The following MLH3 variants were observed in gnomAD, a reference collection of about 807,000 sequenced individuals.
MLH3 encodes DNA mismatch repair protein Mlh3.
MLH3 carries 82 observed loss-of-function variants against 122.2 expected under a neutral mutation model. The observed-to-expected ratio is 0.67, with a 90% CI of 0.56 to 0.81. The LOEUF is 0.81. Among genes scored for constraint, MLH3 ranks in the 30% least tolerant of loss-of-function variants. The probability of loss-of-function intolerance (pLI) is 0.00; values close to 1 mark genes in which losing one functional copy is unlikely to be tolerated. For missense variants in MLH3, 1,539 were observed against 1,714.5 expected, an observed-to-expected ratio of 0.90 and a Z score of 1.81; for synonymous variants, 524 against 599.5, an observed-to-expected ratio of 0.87 and a Z score of 1.84.
chr14:75,042,443 G>T lies in MLH3; in HGVS notation c.3315C>A (p.Asp1105Glu), dbSNP rs28757008. The T allele has an allele frequency of 3.3e-3, 5,355 of 1,614,088 alleles. 12 individuals carry two copies. Among genetic ancestry groups the T allele is most frequent in the Non-Finnish European group, 3.6e-3 (4,209 of 1,179,980 alleles). The change falls in exon 3 of 13, where the codon GAC becomes GAA. Residue 1105 changes from aspartate to glutamate, a missense_variant. Physicochemically the swap from Asp to Glu is conservative, Grantham distance 45 (BLOSUM62 2). Transcript: ENST00000355774. ...CTCTCGGAAGGAAAGGAAGAACAAG[G>T]TCGCTTCTAAAAGGTTGACACCTGT... ...SQYRCQPFRS[D>E]LVLPFLPRAR...
intron 6 of MLH3, among the ~76,000 whole-genome samples, 160 bp downstream of exon 6, chr14:75,038,180 T>C (rs891907284): frequency 6.6e-6 from 1 of 152,204 alleles, no homozygotes; most frequent in Non-Finnish European, 1.5e-5. Flanking sequence ...ATTACAGGTG[T>C]GAGCCACCGC....
At chr14:75,039,866 TATATATATATATATA>T (rs2139471031) in intron 5 of MLH3, 30 bp downstream of exon 5, 3 of 371,534 alleles carry the variant, frequency 8.1e-6, no homozygotes, top group Non-Finnish European at 1.4e-5. Context: ...TATATATATA[TATATATATATATATA>T]TTTATGAGAT....
At chr14:75,020,433 G>A (rs563696120) in intron 11 of MLH3, among the ~76,000 whole-genome samples, 1 of 152,290 alleles carries the variant, frequency 6.6e-6, no homozygotes, top group East Asian at 1.9e-4. Context: ...CTAAGTAAGA[G>A]AGCTCAACAG....
intron 11 of MLH3, among the ~76,000 whole-genome samples, chr14:75,021,086 A>G (rs888406018): frequency 1.3e-5 from 2 of 152,214 alleles, no homozygotes; most frequent in African/African-American, 2.4e-5. Flanking sequence ...CATGTTGGCC[A>G]GGCTGGTCTC....
At chr14:75,049,848 G>A (rs1480606406) in intron 1 of MLH3, 130 bp from the exon 2 acceptor site, 7 of 650,760 alleles carry the variant, frequency 1.1e-5, no homozygotes, top group Non-Finnish European at 1.9e-5. Context: ...GCAAAACAAA[G>A]TTATACCGCT....
At chr14:75,034,758 G>C (rs1399775775) in intron 6 of MLH3, among the ~76,000 whole-genome samples, 1 of 151,770 alleles carries the variant, frequency 6.6e-6, no homozygotes, top group African/African-American at 2.4e-5. Flanking sequence ...ATACCCCCTG[G>C]GGATCTTATT....
chr14:75,049,442 G>A lies in MLH3; in HGVS notation c.214C>T (p.Arg72Cys), dbSNP rs370545907. 5.0e-6 allele frequency: 8 copies of A among 1,613,860 alleles called. No homozygotes were observed. In the African/African-American group the frequency reaches 6.7e-5, roughly 13 times the overall value. ...GAGTGGCATTTACTGGTGAAATAAC[G>A]ATTTCCCACTTTCTCTACATCATCA... ...GSDDVEKVGN[R>C]YFTSKCHSVQ... The change falls in exon 2 of 13, where the codon CGT becomes TGT. Residue 72 changes from arginine to cysteine, a missense_variant. By Grantham distance (180) the Arg-to-Cys change is radical (BLOSUM62 -3). Transcript: ENST00000355774.
Position 75,047,895 on chromosome 14 carries a change from A to G in MLH3, c.1761T>C (p.Ser587=), listed in dbSNP as rs763313215. The G allele has an allele frequency of 6.2e-6, 10 of 1,613,218 alleles. No homozygotes were observed. Among genetic ancestry groups the G allele is most frequent in the Non-Finnish European group, 7.6e-6 (9 of 1,179,858 alleles). The change falls in exon 2 of 13, where the codon TCT becomes TCC. Residue 587 remains serine (S), a synonymous_variant. Coordinates refer to ENST00000355774, the MANE Select transcript of MLH3 (RefSeq NM_001040108.2). ...AAACATTTCTTCTTCCACAATTGCTAGATTCTTTTTTTTTCTCTTTCTCTG... is the reference window on the plus strand; with the variant it reads ...AAACATTTCTTCTTCCACAATTGCTGGATTCTTTTTTTTTCTCTTTCTCTG... The part of the protein sequence containing the change: ...AQTEKEKKKE[S]SNCGRRNVFS...
Position 75,016,836 on chromosome 14 carries a change from A to G in MLH3, c.*246T>C. On this transcript the variant is annotated 3_prime_UTR_variant, in exon 13 of 13. Transcript: ENST00000355774. ...ATAAGTAGCAAAAGGTAGATACTAT[A>G]TAGCAACCTTCTGTGCCCATGGATG... The G allele has an allele frequency of 2.0e-6, 1 of 499,800 alleles. No individual in the cohort carries two copies. The highest frequency in any genetic ancestry group is 3.7e-6 in the Non-Finnish European group (1 of 272,020). The allele number at this position is 499,800 out of a possible 1,614,324, so 31.0% of individuals were successfully genotyped here.
rs1282901835 is a variant in MLH3 at position 75,048,794 on chromosome 14, T to C, written c.862A>G (p.Arg288Gly). ...ICKPKNGPTS[R>G]QMNSSLRHRS... ...TGCCGAAGACTTGAATTCATTTGCC[T>C]ACTGGTGGGACCATTCTTTGGCTTG... The change falls in exon 2 of 13, where the codon AGG becomes GGG. Residue 288 changes from arginine to glycine, a missense_variant. Arg to Gly is a moderately radical substitution (Grantham distance 125). Coordinates refer to ENST00000355774, the MANE Select transcript of MLH3 (RefSeq NM_001040108.2). 1 of 1,614,208 alleles carries C rather than the reference T, an allele frequency of 6.2e-7. No individual in the cohort carries two copies. The highest frequency in any genetic ancestry group is 1.7e-5 in the Admixed American group (1 of 60,026).
chr14:75,029,361 T>C (rs1890885913), intron 9 of MLH3, among the ~76,000 whole-genome samples: 1 of 152,106 alleles, frequency 6.6e-6, no homozygotes, highest in Admixed American at 6.5e-5. Flanking sequence ...TGCATTTAAG[T>C]GTACCTGCGC....
chr14:75,035,043 A>G (rs1177453831), intron 6 of MLH3, among the ~76,000 whole-genome samples: 8 of 145,526 alleles, frequency 5.5e-5, no homozygotes, highest in African/African-American at 2.1e-4. Flanking sequence ...CACCTGGGCG[A>G]CAGAGCAAGA....
chr14:75,024,176 T>G (rs185283390), intron 9 of MLH3, among the ~76,000 whole-genome samples: 1 of 152,302 alleles, frequency 6.6e-6, no homozygotes. Flanking sequence ...ATATTTTTAT[T>G]TTATTTTTTA....
At position 75,042,481 on chromosome 14, in the gene MLH3, A is replaced by C; in HGVS notation, c.3281-4T>G. On this transcript the variant is annotated splice_region_variant and splice_polypyrimidine_tract_variant and intron_variant, in intron 2 of 12. Transcript: ENST00000355774. ...GGTTGACACCTGTACTGAGACCCTA[A>C]ATATAAGAAAGAAAAACCTAGAAAT... is the stretch of plus-strand genomic sequence containing the variant. The C allele has an allele frequency of 1.2e-6, 2 of 1,608,182 alleles. No individual in the cohort carries two copies. Among genetic ancestry groups the C allele is most frequent in the Middle Eastern group, 1.7e-4 (1 of 6,046 alleles).
intron 11 of MLH3, among the ~76,000 whole-genome samples, chr14:75,019,950 G>A (rs1453350076): frequency 2.0e-5 from 3 of 152,102 alleles, no homozygotes; most frequent in Non-Finnish European, 4.4e-5. Context: ...ATAAATATAG[G>A]TGCTATAAAA....
At position 75,023,011 on chromosome 14, in the gene MLH3, A is replaced by G; in HGVS notation, c.3995T>C (p.Ile1332Thr). 1 of 1,614,256 alleles carries G rather than the reference A, an allele frequency of 6.2e-7. No individual in the cohort carries two copies. Among genetic ancestry groups the G allele is most frequent in the Non-Finnish European group, 8.5e-7 (1 of 1,180,044 alleles). ...AAAGCTTACCTCCAGTTGTTCTCGG[A>G]TAAATTCCTGCAAAGCAAAAGGAAA... The part of the protein sequence containing the change: ...TVTKSIVEEF[I>T]REQLELLQTT... Residue 1332 changes from isoleucine to threonine, a missense_variant, in exon 10 of 13, where the codon ATC (isoleucine) becomes ACC (threonine). Transcript: ENST00000355774.
chr14:75,048,985 C>T lies in MLH3; in HGVS notation c.671G>A (p.Arg224Lys), dbSNP rs1381457653. ...CTCTTTATATTTAAAACTTATTTCT[C>T]TTAGCTTTTGGGACTTTCCCAATCC... ...IYGLGKSQKL[R>K]EISFKYKEFE... Residue 224 changes from arginine (R) to lysine (K), a missense_variant, in exon 2 of 13, where the codon AGA becomes AAA. Physicochemically the swap from Arg to Lys is conservative, Grantham distance 26. Transcript: ENST00000355774. 6.2e-7 allele frequency: 1 copy of T among 1,613,912 alleles called. No homozygotes were observed. Among genetic ancestry groups the T allele is most frequent in the Non-Finnish European group, 8.5e-7 (1 of 1,179,950 alleles).
rs771480607 is a variant in MLH3 at position 75,049,370 on chromosome 14, C to T, written c.286G>A (p.Ala96Thr). The part of the protein sequence containing the change: ...NPRFYGFRGE[A>T]LANIADMASA... ...GCCATGTCAGCAATATTTGCCAAGG[C>T]CTCTCCTCGGAAACCATAAAACCTT... Residue 96 changes from alanine to threonine, a missense_variant, in exon 2 of 13, where the codon GCC becomes ACC. Physicochemically the swap from Ala to Thr is moderately conservative, Grantham distance 58. Transcript: ENST00000355774. The T allele has an allele frequency of 3.7e-6, 6 of 1,613,950 alleles. No homozygotes were observed. The highest frequency in any genetic ancestry group is 5.1e-6 in the Non-Finnish European group (6 of 1,180,050).
chr14:75,034,136 T>C (rs542016187), intron 6 of MLH3, among the ~76,000 whole-genome samples: 5 of 150,678 alleles, frequency 3.3e-5, no homozygotes, highest in Non-Finnish European at 2.9e-5. Context: ...TAGGTTGCAG[T>C]GAGCCGAGAT....
Sources: allele counts gnomAD v4.1 joint callset (sites outside exome capture counted in the v4.1 genomes callset), GRCh38; gene constraint gnomAD v4.1.1; transcripts MANE v1.5; gene names NCBI Gene and HGNC (gene_info 2026-07-23, HGNC 2026-07-21).